The following PDE3A variants were observed in gnomAD, a reference collection of about 807,000 sequenced individuals.
PDE3A encodes the protein cGMP-inhibited 3',5'-cyclic phosphodiesterase 3A.
A neutral mutation model predicts 98.3 loss-of-function variants in PDE3A; 43 were observed. The ratio of observed to expected loss-of-function variants is 0.44; its 90% CI spans 0.34 to 0.56. The LOEUF is 0.56. Among genes scored for constraint, PDE3A ranks in the 20% least tolerant of loss-of-function variants. The pLI, the probability that PDE3A is intolerant of heterozygous loss-of-function variation, is 0.01. For synonymous variants in PDE3A, 663 were observed against 567.9 expected (o/e 1.17, Z -2.38); for missense variants, 1,427 against 1,440.7 (o/e 0.99, Z 0.15).
At chr12:20,431,688 A>G (rs1944702148) in intron 1 of PDE3A, among the ~76,000 whole-genome samples, 1 of 152,104 alleles carries the variant, frequency 6.6e-6, no homozygotes, top group African/African-American at 2.4e-5. Flanking sequence ...ATATGTACCT[A>G]TAGTATGTCT....
intron 15 of PDE3A, among the ~76,000 whole-genome samples, chr12:20,672,160 A>C (rs1321147856): frequency 6.7e-6 from 1 of 149,610 alleles, no homozygotes; most frequent in Non-Finnish European, 1.5e-5. Flanking sequence ...GGACCTCTTC[A>C]AGGAGAACTA....
chr12:20,654,660 C>CTTTTTTT (rs71442265), intron 15 of PDE3A, among the ~76,000 whole-genome samples: 1,984 of 85,790 alleles, frequency 0.023, 1 homozygote, highest in East Asian at 0.031. Flanking sequence ...CTACACCCGG[C>CTTTTTTT]TTTTTTTTTT....
At chr12:20,528,287 C>T (rs1291260122) in intron 1 of PDE3A, among the ~76,000 whole-genome samples, 2 of 152,168 alleles carry the variant, frequency 1.3e-5, no homozygotes, top group African/African-American at 4.8e-5. Flanking sequence ...TTTCTCAAAC[C>T]CCAGCTACTG....
chr12:20,384,231 G>A (rs745765937), intron 1 of PDE3A, among the ~76,000 whole-genome samples: 5 of 148,930 alleles, frequency 3.4e-5, no homozygotes, highest in Admixed American at 2.7e-4. Context: ...TACACCTTCC[G>A]GAAGATATAC....
intron 1 of PDE3A, among the ~76,000 whole-genome samples, chr12:20,533,420 T>C (rs1039635155): frequency 6.6e-6 from 1 of 151,920 alleles, no homozygotes; most frequent in Non-Finnish European, 1.5e-5. Flanking sequence ...AACAGGTCTT[T>C]CTGCTTGGAG....
chr12:20,527,808 T>C (rs531621327), intron 1 of PDE3A, among the ~76,000 whole-genome samples: 2 of 151,100 alleles, frequency 1.3e-5, no homozygotes, highest in Admixed American at 6.6e-5. Flanking sequence ...GGGGCAAAAC[T>C]TTTTTCCCCC....
intron 2 of PDE3A, among the ~76,000 whole-genome samples, chr12:20,588,829 C>T (rs4287373): frequency 0.93 from 141,187 of 152,136 alleles, 66,272 homozygotes; most frequent in East Asian, 1. Context: ...GTCCTGTCTA[C>T]ACCTCAACCC....
chr12:20,654,494 T>TTTGTTTG (rs1944994805), intron 15 of PDE3A, among the ~76,000 whole-genome samples: 2 of 73,298 alleles, frequency 2.7e-5, no homozygotes, highest in Admixed American at 2.3e-4. Flanking sequence ...TATCTGGTTT[T>TTTGTTTG]TTGTTTGTTT....
At chr12:20,620,206 T>A (rs1418114085) in intron 4 of PDE3A, among the ~76,000 whole-genome samples, 4 of 152,024 alleles carry the variant, frequency 2.6e-5, no homozygotes, top group African/African-American at 9.7e-5. Context: ...AGCCCATAAT[T>A]CTATCAATTT....
At chr12:20,584,742 T>C (rs926257151) in intron 2 of PDE3A, among the ~76,000 whole-genome samples, 3 of 152,168 alleles carry the variant, frequency 2.0e-5, no homozygotes, top group Admixed American at 6.6e-5. Flanking sequence ...AGGCCTGTTC[T>C]GTAAAAAGTA....
intron 1 of PDE3A, among the ~76,000 whole-genome samples, chr12:20,408,988 T>C (rs544934956): frequency 1.3e-5 from 2 of 152,290 alleles, no homozygotes; most frequent in Admixed American, 6.5e-5. Flanking sequence ...CCTCTCTCCC[T>C]CCCTTTCTTC....
rs369774372 is a variant in PDE3A at position 20,413,594 on chromosome 12, G to A, written c.960+43350G>A. ...GTGGAACAGAGAGCATGGAGAAATC[G>A]TCAGTGCTGGGAAATTGTGGGAGCT... On this transcript the variant is annotated intron_variant, in intron 1 of 15. Transcript: ENST00000359062. 4.5e-4 allele frequency among the ~76,000 whole-genome samples: 68 copies of A among 152,292 alleles called. No homozygotes were observed. In the South Asian group the frequency reaches 0.013, roughly 30 times the overall value.
intron 1 of PDE3A, among the ~76,000 whole-genome samples, chr12:20,382,025 C>T (rs1297740919): frequency 1.3e-5 from 2 of 151,812 alleles, no homozygotes; most frequent in Non-Finnish European, 2.9e-5. Context: ...CTTAATTTCA[C>T]CTACATATAA....
At chr12:20,530,864 C>T (rs1032251506) in intron 1 of PDE3A, among the ~76,000 whole-genome samples, 14 of 152,146 alleles carry the variant, frequency 9.2e-5, no homozygotes, top group African/African-American at 2.4e-4. Flanking sequence ...CACCTCCATG[C>T]AGTGTAAGTT....
At chr12:20,413,427 G>A (rs931230103) in intron 1 of PDE3A, among the ~76,000 whole-genome samples, 1 of 152,160 alleles carries the variant, frequency 6.6e-6, no homozygotes, top group Non-Finnish European at 1.5e-5. Context: ...AAGTGGAAAA[G>A]TGGGCTGAGG....
At chr12:20,546,037 C>A (rs1942047941) in intron 1 of PDE3A, among the ~76,000 whole-genome samples, 1 of 151,902 alleles carries the variant, frequency 6.6e-6, no homozygotes, top group Non-Finnish European at 1.5e-5. Flanking sequence ...ACTGTGGCTG[C>A]TAGTCACATC....
chr12:20,673,326 T>G (rs1451706885), intron 15 of PDE3A, among the ~76,000 whole-genome samples: 21 of 149,128 alleles, frequency 1.4e-4, no homozygotes, highest in Non-Finnish European at 2.4e-4. Flanking sequence ...GAAATACCAT[T>G]TGACCCAGCC....
chr12:20,654,572 C>T (rs1038171373), intron 15 of PDE3A, among the ~76,000 whole-genome samples: 10 of 151,622 alleles, frequency 6.6e-5, no homozygotes, highest in African/African-American at 2.2e-4. Flanking sequence ...TCTCGGCTCA[C>T]TGCAAGCTCC....
chr12:20,419,859 C>T (rs1944483495), intron 1 of PDE3A, among the ~76,000 whole-genome samples: 1 of 151,224 alleles, frequency 6.6e-6, no homozygotes, highest in African/African-American at 2.4e-5. Flanking sequence ...CTGCCTCAGC[C>T]TCTTGAGTAG....
Sources: gnomAD v4.1 joint callset for allele counts (sites outside exome capture counted in the v4.1 genomes callset) on GRCh38, gnomAD v4.1.1 for gene constraint, MANE v1.5 for transcripts, NCBI Gene and HGNC (gene_info 2026-07-23, HGNC 2026-07-21) for gene names.